GNG2: variants seen among roughly 807,000 people sequenced by gnomAD.
The protein encoded by GNG2 is G protein subunit gamma 2, also known as guanine nucleotide-binding protein G(I)/G(S)/G(O) subunit gamma-2.
In GNG2, 5 loss-of-function variants were observed where a neutral mutation model predicts 5.5. That is an observed-to-expected ratio of 0.91 (90% CI 0.48 to 1.92). The LOEUF is 1.92. GNG2 is among the 30% of genes most tolerant of loss of function. The pLI, the probability that GNG2 is intolerant of heterozygous loss-of-function variation, is 0.01. For missense variants in GNG2, 55 were observed against 88.4 expected, an observed-to-expected ratio of 0.62 and a Z score of 1.52; for synonymous variants, 28 against 32.0, an observed-to-expected ratio of 0.88 and a Z score of 0.42.
intron 3 of GNG2, among the ~76,000 whole-genome samples, chr14:51,964,431 A>T (rs1889781089): frequency 6.6e-6 from 1 of 152,188 alleles, no homozygotes. Context: ...GGTTGGCTAG[A>T]TGTTGTGGTA....
intron 2 of GNG2, among the ~76,000 whole-genome samples, chr14:51,911,318 TG>T (rs1354960960): frequency 1.3e-5 from 2 of 152,166 alleles, no homozygotes; most frequent in Non-Finnish European, 2.9e-5. Flanking sequence ...GGGAAGGGAA[TG>T]GTTATCAAGG....
chr14:51,917,090 G>A (rs1260422783), intron 2 of GNG2, among the ~76,000 whole-genome samples: 3 of 152,156 alleles, frequency 2.0e-5, no homozygotes, highest in Non-Finnish European at 4.4e-5. Flanking sequence ...GAGGATGTAG[G>A]AGTTAGGAAA....
Position 51,880,285 on chromosome 14 carries a change from T to C in GNG2, c.-30+2628T>C, listed in dbSNP as rs565193426. Reference sequence around the variant, plus strand: ...CAGAACCAAAGAAATGTGAGGTTTTTATTTTATGCTGTTATGTCTGGCTGT... The same window carrying C: ...CAGAACCAAAGAAATGTGAGGTTTTCATTTTATGCTGTTATGTCTGGCTGT... On this transcript the variant is annotated intron_variant, in intron 2 of 3. Coordinates refer to ENST00000556766, the MANE Select transcript of GNG2 (RefSeq NM_053064.5). Among the ~76,000 whole-genome samples the C allele has an allele frequency of 3.3e-5, 5 of 152,384 alleles. No homozygotes were observed. The South Asian group carries it at 1.0e-3, about 32-fold the overall frequency.
At chr14:51,887,662 A>G (rs1001054642) in intron 2 of GNG2, among the ~76,000 whole-genome samples, 3 of 152,164 alleles carry the variant, frequency 2.0e-5, no homozygotes, top group Admixed American at 2.0e-4. Context: ...GTGTAGAGAA[A>G]AGAGCTGGGG....
intron 2 of GNG2, among the ~76,000 whole-genome samples, chr14:51,901,895 A>G (rs75459100): frequency 0.016 from 2,293 of 142,166 alleles, 26 homozygotes; most frequent in East Asian, 0.04. Context: ...TGGTTATTAC[A>G]TGGTTTGAAC....
At chr14:51,831,855 A>G (rs553351381) in intron 2 of GNG2, among the ~76,000 whole-genome samples, 24 of 152,338 alleles carry the variant, frequency 1.6e-4, no homozygotes, top group African/African-American at 5.8e-4. Flanking sequence ...AGTGAAATAC[A>G]TTATAAAATA....
At chr14:51,836,885 A>T (rs2748133) in intron 2 of GNG2, among the ~76,000 whole-genome samples, 137,763 of 144,808 alleles carry the variant, frequency 0.95, 65,839 homozygotes, top group East Asian at 1. Context: ...TGAGACAGAG[A>T]TTTCCTCTGT....
chr14:51,916,739 G>T lies in GNG2; in HGVS notation c.-29-33911G>T, dbSNP rs141861215. Among the ~76,000 whole-genome samples, 222 of 152,176 alleles carry T rather than the reference G, an allele frequency of 1.5e-3. 2 individuals carry two copies. The highest frequency in any genetic ancestry group is 4.2e-3 in the African/African-American group (174 of 41,504). ...TCCAGGGGTGCAGTGTGATGGACAGGGTATGTCAGGTAGTGGATAGTGTGA... is the reference window on the plus strand; with the variant it reads ...TCCAGGGGTGCAGTGTGATGGACAGTGTATGTCAGGTAGTGGATAGTGTGA... On this transcript the variant is annotated intron_variant, in intron 2 of 3. Coordinates refer to ENST00000556766, the MANE Select transcript of GNG2 (RefSeq NM_053064.5).
intron 2 of GNG2, among the ~76,000 whole-genome samples, chr14:51,911,716 T>TA (rs1049592459): frequency 4.7e-5 from 6 of 128,808 alleles, no homozygotes; most frequent in Admixed American, 2.4e-4. Flanking sequence ...GCTAATTTTT[T>TA]AAAAAAACAT....
At chr14:51,922,457 G>A (rs1172639143) in intron 2 of GNG2, among the ~76,000 whole-genome samples, 1 of 152,122 alleles carries the variant, frequency 6.6e-6, no homozygotes, top group Non-Finnish European at 1.5e-5. Context: ...GGTAGTTGGC[G>A]AGGGGGAAGA....
intron 2 of GNG2, among the ~76,000 whole-genome samples, chr14:51,949,299 AT>A (rs1053131523): frequency 1.1e-4 from 17 of 152,238 alleles, no homozygotes; most frequent in Admixed American, 4.6e-4. Flanking sequence ...AGAACTGGAT[AT>A]CAAGAAATAA....
chr14:51,952,454 G>A (rs1889039654), intron 3 of GNG2, among the ~76,000 whole-genome samples: 1 of 152,186 alleles, frequency 6.6e-6, no homozygotes, highest in Admixed American at 6.5e-5. Flanking sequence ...GAGAAGTAAG[G>A]TGGCCCATGG....
chr14:51,966,465 A>G, intron 3 of GNG2, 94 bp from the exon 4 acceptor site: 1 of 1,087,566 alleles, frequency 9.2e-7, no homozygotes, highest in Admixed American at 1.9e-5. Flanking sequence ...TTCATGGAGC[A>G]AGGATTTGAT....
At chr14:51,831,474 G>A (rs567265020) in intron 2 of GNG2, among the ~76,000 whole-genome samples, 51 of 152,320 alleles carry the variant, frequency 3.3e-4, no homozygotes, top group African/African-American at 1.1e-3. Flanking sequence ...AGGACAGCAA[G>A]GGGGACAGCC....
upstream of GNG2, among the ~76,000 whole-genome samples, chr14:51,856,979 C>T (rs1882191745): frequency 1.3e-5 from 2 of 152,294 alleles, no homozygotes; most frequent in South Asian, 4.1e-4. Context: ...CTTTTCCTCC[C>T]CTCACTCAAA....
upstream of GNG2, among the ~76,000 whole-genome samples, chr14:51,858,727 G>A (rs1232764870): frequency 2.0e-5 from 3 of 152,020 alleles, no homozygotes; most frequent in African/African-American, 7.2e-5. Context: ...GTAACCTTTG[G>A]CACAAGGGTT....
chr14:51,859,657 G>T (rs73291072), upstream of GNG2, among the ~76,000 whole-genome samples: 2,415 of 152,232 alleles, frequency 0.016, 55 homozygotes, highest in African/African-American at 0.055. Flanking sequence ...TAAATAATTT[G>T]CCCAAGTTCA....
At chr14:51,848,695 T>A (rs779059010) in intron 2 of GNG2, among the ~76,000 whole-genome samples, 30 of 152,214 alleles carry the variant, frequency 2.0e-4, no homozygotes, top group Non-Finnish European at 4.3e-4. Context: ...TACAGAGGTA[T>A]GTGTGGGGAT....
At chr14:51,882,314 A>G (rs1594871751) in intron 2 of GNG2, among the ~76,000 whole-genome samples, 1 of 152,256 alleles carries the variant, frequency 6.6e-6, no homozygotes, top group East Asian at 1.9e-4. Context: ...TTGAACTTCA[A>G]GAGGAAAAAA....
Sources: gnomAD v4.1 joint callset for allele counts (sites outside exome capture counted in the v4.1 genomes callset) on GRCh38, gnomAD v4.1.1 for gene constraint, MANE v1.5 for transcripts, NCBI Gene and HGNC (gene_info 2026-07-23, HGNC 2026-07-21) for gene names.